COL5A2: variants seen among roughly 807,000 people sequenced by gnomAD.
COL5A2 encodes the protein collagen alpha-2(V) chain.
In COL5A2, 23 loss-of-function variants were observed where a neutral mutation model predicts 208.2. That is an observed-to-expected ratio of 0.11 (90% CI 0.08 to 0.16). The LOEUF is 0.16. Among genes scored for constraint, COL5A2 ranks in the 10% least tolerant of loss-of-function variants. The pLI is 1.00. For synonymous variants in COL5A2, 625 were observed against 628.5 expected (o/e 0.99, Z 0.08); for missense variants, 1,590 against 1,956.4 (o/e 0.81, Z 3.53).
intron 53 of COL5A2, 37 bp downstream of exon 53, chr2:189,034,879 T>A (rs375773856): frequency 2.5e-6 from 4 of 1,613,134 alleles, no homozygotes; most frequent in African/African-American, 2.7e-5. Flanking sequence ...TAATTTTTTT[T>A]CCTCAACCAG....
At chr2:189,238,497 T>C in the COL5A2 span, among the ~76,000 whole-genome samples, 1 of 152,152 alleles carries the variant, frequency 6.6e-6, no homozygotes, top group Non-Finnish European at 1.5e-5. Flanking sequence ...TAGTCTGTTT[T>C]CATACTGCTA....
upstream of COL5A2, among the ~76,000 whole-genome samples, chr2:189,183,967 A>C (rs188372459): frequency 6.6e-6 from 1 of 152,278 alleles, no homozygotes; most frequent in East Asian, 1.9e-4. Context: ...CTCATTTAAC[A>C]AATATTTATT....
chr2:189,178,709 T>TAAA (rs11296800), intron 1 of COL5A2, among the ~76,000 whole-genome samples: 3 of 118,140 alleles, frequency 2.5e-5, no homozygotes, highest in Admixed American at 8.7e-5. Flanking sequence ...GATTTATCTT[T>TAAA]AAAAAAAAAA....
At chr2:189,221,948 T>C (rs1576590104) in intron 1 of COL5A2, among the ~76,000 whole-genome samples, 1 of 152,132 alleles carries the variant, frequency 6.6e-6, no homozygotes, top group African/African-American at 2.4e-5. Context: ...AGGATATTTG[T>C]CTTCTGAAAT....
chr2:189,059,805 G>C (rs986490404), intron 31 of COL5A2, among the ~76,000 whole-genome samples: 1 of 151,162 alleles, frequency 6.6e-6, no homozygotes, highest in Non-Finnish European at 1.5e-5. Context: ...GGCTGGTCTC[G>C]AACTCCTGAT....
chr2:189,325,120 G>A, the COL5A2 span, among the ~76,000 whole-genome samples: 1 of 151,370 alleles, frequency 6.6e-6, no homozygotes, highest in Admixed American at 6.6e-5. Flanking sequence ...GGAACAATGA[G>A]AACACTTGGA....
chr2:189,423,171 T>A, the COL5A2 span, among the ~76,000 whole-genome samples: 2 of 151,360 alleles, frequency 1.3e-5, no homozygotes, highest in Non-Finnish European at 2.9e-5. Flanking sequence ...AAACACAATA[T>A]CAAAAGCCAT....
the COL5A2 span, among the ~76,000 whole-genome samples, chr2:189,419,850 A>G: frequency 6.7e-6 from 1 of 149,774 alleles, no homozygotes; most frequent in East Asian, 2.0e-4. Context: ...AGGAAAGGAA[A>G]GGAAAAGAGG....
At chr2:189,097,573 G>T (rs1187638753) in intron 5 of COL5A2, 1 of 662,494 alleles carries the variant, frequency 1.5e-6, no homozygotes, top group Non-Finnish European at 2.8e-6. Context: ...GCATCATGGA[G>T]CATAGTGAGC....
At chr2:189,159,926 G>C (rs1688325717) in intron 1 of COL5A2, among the ~76,000 whole-genome samples, 1 of 151,790 alleles carries the variant, frequency 6.6e-6, no homozygotes, top group East Asian at 1.9e-4. Context: ...ATAAATAATT[G>C]TTTTAAATAA....
At chr2:189,339,094 T>C in the COL5A2 span, among the ~76,000 whole-genome samples, 1 of 152,194 alleles carries the variant, frequency 6.6e-6, no homozygotes, top group Non-Finnish European at 1.5e-5. Context: ...CTCACACCTA[T>C]AATCTCAGCA....
At chr2:189,095,397 AAG>A (rs1436167384) in intron 6 of COL5A2, among the ~76,000 whole-genome samples, 1 of 152,172 alleles carries the variant, frequency 6.6e-6, no homozygotes, top group Non-Finnish European at 1.5e-5. Flanking sequence ...TGCTAGGATT[AAG>A]AGAGGAACAG....
At chr2:189,117,928 T>C (rs998992707) in intron 1 of COL5A2, among the ~76,000 whole-genome samples, 2 of 152,122 alleles carry the variant, frequency 1.3e-5, no homozygotes, top group Non-Finnish European at 2.9e-5. Flanking sequence ...TCAAGAAGTA[T>C]TTGTTGAATT....
Position 189,083,164 on chromosome 2 carries a change from G to C in COL5A2, c.852+820C>G, listed in dbSNP as rs145554849. ...TGAATGTTTAGGGGCTGTTGAGCAG[G>C]AGAAACCCAAGAAGTAGGAATGTTT... On this transcript the variant is annotated intron_variant, in intron 12 of 53. Transcript: ENST00000374866. Among the ~76,000 whole-genome samples, 10 of 152,284 alleles carry C rather than the reference G, an allele frequency of 6.6e-5. No homozygotes were observed. In the East Asian group the frequency reaches 1.9e-3, roughly 29 times the overall value.
chr2:189,326,113 A>AAAAG, the COL5A2 span, among the ~76,000 whole-genome samples: 14 of 151,250 alleles, frequency 9.3e-5, no homozygotes, highest in African/African-American at 3.2e-4. Flanking sequence ...AAAAAAAAAA[A>AAAAG]AAGAAGAAGA....
chr2:189,086,670 A>C lies in COL5A2; in HGVS notation c.690+56T>G, dbSNP rs373797408. ...TCATGTCACAGAGACCTTATGTAAT[A>C]TATGTGTGTGTGTATGTTTTTCTTA... On this transcript the variant is annotated intron_variant, in intron 9 of 53. Coordinates refer to ENST00000374866, the MANE Select transcript of COL5A2 (RefSeq NM_000393.5). 3.0e-6 allele frequency: 4 copies of C among 1,343,488 alleles called. No individual in the cohort carries two copies. In the South Asian group the frequency reaches 5.0e-5, roughly 17 times the overall value. The allele number at this position is 1,343,488 out of a possible 1,614,324, so 83.2% of individuals were successfully genotyped here. A position where few individuals can be genotyped will look rare whatever the true frequency, so the allele number is the denominator to read the frequency against.
At chr2:189,249,222 C>T in the COL5A2 span, among the ~76,000 whole-genome samples, 3 of 151,946 alleles carry the variant, frequency 2.0e-5, no homozygotes, top group Non-Finnish European at 4.4e-5. Context: ...CAAGCATAGA[C>T]CAAAATAGAC....
intron 1 of COL5A2, among the ~76,000 whole-genome samples, chr2:189,210,186 G>A (rs923632242): frequency 6.6e-6 from 1 of 152,092 alleles, no homozygotes; most frequent in African/African-American, 2.4e-5. Context: ...CTATTCAACT[G>A]TTTCTTTTTT....
intron 1 of COL5A2, among the ~76,000 whole-genome samples, chr2:189,203,456 A>T (rs563790622): frequency 6.6e-6 from 1 of 152,340 alleles, no homozygotes; most frequent in South Asian, 2.1e-4. Context: ...AAAACTGCTG[A>T]ATTAGACATA....
Sources: gnomAD v4.1 joint callset for allele counts (sites outside exome capture counted in the v4.1 genomes callset) on GRCh38, gnomAD v4.1.1 for gene constraint, MANE v1.5 for transcripts, NCBI Gene and HGNC (gene_info 2026-07-23, HGNC 2026-07-21) for gene names.